Variants in PPM1B observed in about 807,000 individuals in gnomAD.
The protein encoded by PPM1B is protein phosphatase, Mg2+/Mn2+ dependent 1B, also known as protein phosphatase 1B.
A neutral mutation model predicts 43.0 loss-of-function variants in PPM1B; 22 were observed. That is an observed-to-expected ratio of 0.51 (90% confidence interval 0.37 to 0.73). The LOEUF (loss-of-function observed/expected upper bound fraction) is 0.73, where lower values mean the gene tolerates loss of function less well. PPM1B is among the 30% of genes least tolerant of loss of function. The pLI is 0.00. For synonymous variants in PPM1B, 217 were observed against 197.9 expected (o/e 1.10, Z -0.81); for missense variants, 632 against 584.2 (o/e 1.08, Z -0.84).
At chr2:44,173,521 C>G (rs1428596371) in intron 1 of PPM1B, among the ~76,000 whole-genome samples, 2 of 152,186 alleles carry the variant, frequency 1.3e-5, no homozygotes, top group African/African-American at 4.8e-5. Context: ...AAACACTTTA[C>G]TTCTGAATTA....
rs1668909830 is a variant in PPM1B at position 44,201,068 on chromosome 2, A to G, written c.-14-118A>G. ...CTTGGGCTTTTGTTGTTGCTCCCGT[A>G]AATTAGGATAATACTAAAAAAAATA... On this transcript the variant is annotated intron_variant, in intron 1 of 5. Coordinates refer to ENST00000282412, the MANE Select transcript of PPM1B (RefSeq NM_002706.6). This position sits in a 1 kb window ranked among gnomAD's most constrained non-coding sequence, Gnocchi z 5.4. 9.1e-7 allele frequency: 1 copy of G among 1,102,224 alleles called. No homozygotes were observed. Among genetic ancestry groups the G allele is most frequent in the African/African-American group, 1.6e-5 (1 of 62,824 alleles). The allele number at this position is 1,102,224 out of a possible 1,614,324, so 68.3% of individuals were successfully genotyped here.
rs200414960 is a variant in PPM1B, at chr2:44,229,940, A to C, written c.1135-473A>C. ...TCCGTAAAAACTCTAAAATCTTTCAAAAATCTGTTTAAATCTATATAGTTT... is the reference window on the plus strand; with the variant it reads ...TCCGTAAAAACTCTAAAATCTTTCACAAATCTGTTTAAATCTATATAGTTT... On this transcript the variant is annotated intron_variant, in intron 5 of 5. Coordinates refer to ENST00000282412, the MANE Select transcript of PPM1B (RefSeq NM_002706.6). 11 of 1,431,376 alleles carry C rather than the reference A, an allele frequency of 7.7e-6. No individual in the cohort carries two copies. The East Asian group carries it at 2.8e-4, about 36-fold the overall frequency. 88.7% of individuals were successfully genotyped at this position (1,431,376 alleles called of 1,614,324 possible). A position where few individuals can be genotyped will look rare whatever the true frequency, so the allele number is the denominator to read the frequency against.
downstream of PPM1B, among the ~76,000 whole-genome samples, chr2:44,238,112 A>C (rs1026342996): frequency 6.6e-6 from 1 of 151,954 alleles, no homozygotes; most frequent in African/African-American, 2.4e-5. Context: ...CATGTTGGCC[A>C]GGCTAGTCTT....
intron 1 of PPM1B, among the ~76,000 whole-genome samples, chr2:44,194,457 C>T (rs1052632447): frequency 6.6e-6 from 1 of 152,170 alleles, no homozygotes; most frequent in Admixed American, 6.5e-5. Context: ...GGCGTGTTGG[C>T]TCATGCCTGT....
downstream of PPM1B, chr2:44,233,809 TTTA>T: frequency 2.0e-6 from 2 of 985,674 alleles, no homozygotes; most frequent in South Asian, 9.4e-5. Flanking sequence ...ATATATTTTA[TTTA>T]TTCTTTAGAT....
intron 1 of PPM1B, among the ~76,000 whole-genome samples, chr2:44,186,584 A>G (rs1572694921): frequency 1.3e-5 from 2 of 152,072 alleles, no homozygotes; most frequent in Admixed American, 6.6e-5. Flanking sequence ...TATGTTGCCC[A>G]GGCTGGTCTC....
At position 44,230,931 on chromosome 2, in the gene PPM1B, T is replaced by C. The variant is rs1670445269; in HGVS notation, c.*213T>C. On this transcript the variant is annotated 3_prime_UTR_variant, in exon 6 of 6. Coordinates refer to ENST00000282412, the MANE Select transcript of PPM1B (RefSeq NM_002706.6). ...TAGTACTATGGATTTAATGAAATTA[T>C]ATGTCATTTCACATTGTATGCCAGA... 1.5e-5 allele frequency: 18 copies of C among 1,174,084 alleles called. No homozygotes were observed. The highest frequency in any genetic ancestry group is 1.9e-5 in the Non-Finnish European group (18 of 935,010). 72.7% of individuals were successfully genotyped at this position (1,174,084 alleles called of 1,614,324 possible).
At position 44,240,996 on chromosome 2, in the gene PPM1B, CTTTATT is replaced by C. The variant is rs2104294644; in HGVS notation, n.1547-3222_1547-3217del. Reference sequence around the variant, plus strand: ...TAATTTCTTTGAAATTGGGAAGCATCTTTATTTTTATTTTTTTTTTTTTTGAGACGG... The same window carrying C: ...TAATTTCTTTGAAATTGGGAAGCATCTTTATTTTTTTTTTTTTTGAGACGG... On this transcript the variant is annotated intron_variant and non_coding_transcript_variant, in intron 5 of 5. Transcript: ENST00000378540. Among the ~76,000 whole-genome samples, 2 of 131,190 alleles carry C rather than the reference CTTTATT, an allele frequency of 1.5e-5. 1 individual carries two copies. The highest frequency in any genetic ancestry group is 5.1e-4 in the South Asian group (2 of 3,948). The allele number at this position is 131,190 out of a possible 152,430, so 86.1% of individuals were successfully genotyped here.
At chr2:44,195,005 C>T (rs955911559) in intron 1 of PPM1B, among the ~76,000 whole-genome samples, 11 of 150,822 alleles carry the variant, frequency 7.3e-5, no homozygotes, top group Non-Finnish European at 1.5e-4. Flanking sequence ...GATCTTCCTG[C>T]TTCAGCCTCC....
At chr2:44,246,453 A>G (rs1248080762), downstream of PPM1B, among the ~76,000 whole-genome samples, 1 of 152,170 alleles carries the variant, frequency 6.6e-6, no homozygotes, top group Non-Finnish European at 1.5e-5. Context: ...CCAAAATTTC[A>G]TACATAAACC....
At chr2:44,207,981 C>T (rs1372782767) in intron 2 of PPM1B, among the ~76,000 whole-genome samples, 1 of 151,210 alleles carries the variant, frequency 6.6e-6, no homozygotes, top group Non-Finnish European at 1.5e-5. Context: ...CTCCACCTCC[C>T]GGGTTCAAGT....
chr2:44,245,289 G>T (rs1481192592), downstream of PPM1B, among the ~76,000 whole-genome samples: 1 of 151,146 alleles, frequency 6.6e-6, no homozygotes, highest in East Asian at 2.0e-4. Flanking sequence ...TAACTATATA[G>T]TTATAAAATC....
At chr2:44,228,256 T>C (rs1183071763) in intron 5 of PPM1B, among the ~76,000 whole-genome samples, 1 of 147,666 alleles carries the variant, frequency 6.8e-6, no homozygotes, top group Non-Finnish European at 1.5e-5. Context: ...GGTATGGTCA[T>C]GGGTCACTGA....
chr2:44,183,570 A>G (rs1470383482), intron 1 of PPM1B, among the ~76,000 whole-genome samples: 2 of 152,182 alleles, frequency 1.3e-5, no homozygotes, highest in Non-Finnish European at 2.9e-5. Context: ...ATCACCACCC[A>G]GTAAAGCCTA....
chr2:44,190,639 A>G (rs1050684774), intron 1 of PPM1B, among the ~76,000 whole-genome samples: 3 of 152,144 alleles, frequency 2.0e-5, no homozygotes, highest in African/African-American at 7.2e-5. Flanking sequence ...CATTTAAATG[A>G]GTTGATCTTT....
At chr2:44,216,515 C>A (rs1669725947) in intron 3 of PPM1B, among the ~76,000 whole-genome samples, 1 of 152,114 alleles carries the variant, frequency 6.6e-6, no homozygotes, top group Admixed American at 6.5e-5. Flanking sequence ...GAGTATATAG[C>A]ATTATGGTAT....
At chr2:44,239,902 T>TC (rs1044365063) in intron 5 of PPM1B, among the ~76,000 whole-genome samples, 4 of 150,470 alleles carry the variant, frequency 2.7e-5, no homozygotes, top group Admixed American at 6.6e-5. Flanking sequence ...TTTTGTTTTT[T>TC]TTTTTTGTCT....
rs80108169 is a variant in PPM1B, at chr2:44,216,971, C to T, written c.965-996C>T. 1.3e-3 allele frequency among the ~76,000 whole-genome samples: 202 copies of T among 151,200 alleles called. 3 individuals are homozygous for T. The highest frequency in any genetic ancestry group is 4.6e-3 in the African/African-American group (188 of 41,174). ...AGAGTGAAAAGTGTTCCCAAACCAA[C>T]GAAAAGAGTATGTGAAGATCTAGAA... On this transcript the variant is annotated intron_variant, in intron 3 of 5. Coordinates refer to ENST00000282412, the MANE Select transcript of PPM1B (RefSeq NM_002706.6).
At chr2:44,214,567 A>G (rs1345999501) in intron 3 of PPM1B, among the ~76,000 whole-genome samples, 1 of 152,166 alleles carries the variant, frequency 6.6e-6, no homozygotes, top group Non-Finnish European at 1.5e-5. Flanking sequence ...AGTGGAATTT[A>G]TAACTAAGGA....
Sources: gnomAD v4.1 joint callset for allele counts (sites outside exome capture counted in the v4.1 genomes callset) on GRCh38, gnomAD v4.1.1 for gene constraint, Gnocchi (gnomAD v3.1) non-coding constraint, MANE v1.5 for transcripts, NCBI Gene and HGNC (gene_info 2026-07-23, HGNC 2026-07-21) for gene names.